The following PDGFD variants were observed in gnomAD, a reference collection of about 807,000 sequenced individuals.
PDGFD encodes the protein platelet derived growth factor D.
A neutral mutation model predicts 44.7 loss-of-function variants in PDGFD; 30 were observed. That is an observed-to-expected ratio of 0.67 (90% CI 0.50 to 0.91). The LOEUF is 0.91. Among genes scored for constraint, PDGFD ranks in the 40% least tolerant of loss-of-function variants. The pLI, the probability that PDGFD is intolerant of heterozygous loss-of-function variation, is 0.00. For missense variants in PDGFD, 445 were observed against 457.8 expected, an observed-to-expected ratio of 0.97 and a Z score of 0.25; for synonymous variants, 173 against 168.4, an observed-to-expected ratio of 1.03 and a Z score of -0.21.
intron 1 of PDGFD, among the ~76,000 whole-genome samples, chr11:104,010,343 T>A (rs1012391096): frequency 5.9e-5 from 9 of 151,942 alleles, no homozygotes; most frequent in African/African-American, 2.2e-4. Context: ...AGAATCTGAG[T>A]CCACCAAAAA....
chr11:103,960,517 T>C (rs1858919313), intron 3 of PDGFD, among the ~76,000 whole-genome samples: 1 of 152,204 alleles, frequency 6.6e-6, no homozygotes, highest in Non-Finnish European at 1.5e-5. Flanking sequence ...CCAAAGTATG[T>C]AAGTCATTGA....
intron 1 of PDGFD, among the ~76,000 whole-genome samples, chr11:104,156,001 G>C (rs1016805029): frequency 6.6e-6 from 1 of 152,136 alleles, no homozygotes; most frequent in Non-Finnish European, 1.5e-5. Flanking sequence ...AGGGACTGCA[G>C]TTAATAACAA....
rs142075568 is a variant in PDGFD, at chr11:104,105,481, G to C, written c.124+58323C>G. On this transcript the variant is annotated intron_variant, in intron 1 of 6. Coordinates refer to ENST00000393158, the MANE Select transcript of PDGFD (RefSeq NM_025208.5). Reference sequence around the variant, plus strand: ...AAATAAACCATGTTTACATGGGTAAGAAAAAGCATTTGGTCAGTTATTTAT... The same window carrying C: ...AAATAAACCATGTTTACATGGGTAACAAAAAGCATTTGGTCAGTTATTTAT... Among the ~76,000 whole-genome samples the C allele has an allele frequency of 2.0e-5, 3 of 152,198 alleles. No individual in the cohort carries two copies. The East Asian group carries it at 5.8e-4, about 29-fold the overall frequency.
chr11:104,086,503 A>G (rs1170414083), intron 1 of PDGFD, among the ~76,000 whole-genome samples: 1 of 152,216 alleles, frequency 6.6e-6, no homozygotes, highest in East Asian at 1.9e-4. Flanking sequence ...TAGCCTAAAA[A>G]CAGATTAGCA....
chr11:104,074,932 G>C (rs61892464), intron 1 of PDGFD, among the ~76,000 whole-genome samples: 4,229 of 152,210 alleles, frequency 0.028, 88 homozygotes, highest in Non-Finnish European at 0.048. Context: ...TATTTAATTA[G>C]ATAAATAACT....
intron 1 of PDGFD, among the ~76,000 whole-genome samples, chr11:104,102,126 A>C (rs1396073245): frequency 6.6e-6 from 1 of 152,152 alleles, no homozygotes; most frequent in African/African-American, 2.4e-5. Context: ...AAACTACCAT[A>C]AGAGAGAACA....
intron 6 of PDGFD, among the ~76,000 whole-genome samples, chr11:103,921,031 G>T (rs1015120235): frequency 6.6e-6 from 1 of 152,152 alleles, no homozygotes; most frequent in Non-Finnish European, 1.5e-5. Context: ...GAGGCCCTGG[G>T]AAGTTTTAAG....
At position 104,081,945 on chromosome 11, in the gene PDGFD, T is replaced by C. The variant is rs868690223; in HGVS notation, c.125-81690A>G. 8.6e-4 allele frequency among the ~76,000 whole-genome samples: 131 copies of C among 151,956 alleles called. 1 individual carries two copies. The highest frequency in any genetic ancestry group is 2.9e-3 in the African/African-American group (119 of 41,432). On this transcript the variant is annotated intron_variant, in intron 1 of 6. Coordinates refer to ENST00000393158, the MANE Select transcript of PDGFD (RefSeq NM_025208.5). ...GTATTTTTAATCATCCCATAGAAAA[T>C]ACTGAGAGAATTCTGGCTAAATTAT... is the stretch of plus-strand genomic sequence containing the variant.
chr11:103,995,801 A>G (rs1859526133), intron 3 of PDGFD, among the ~76,000 whole-genome samples: 1 of 152,232 alleles, frequency 6.6e-6, no homozygotes, highest in African/African-American at 2.4e-5. Context: ...GCAATTTAGT[A>G]TCAGCTTTAC....
chr11:104,027,525 A>G (rs1410488655), intron 1 of PDGFD, among the ~76,000 whole-genome samples: 3 of 152,252 alleles, frequency 2.0e-5, no homozygotes, highest in Non-Finnish European at 4.4e-5. Context: ...CCCATTTTAC[A>G]TAAGAGGATA....
chr11:103,911,802 A>G (rs1858032501), intron 6 of PDGFD, among the ~76,000 whole-genome samples: 1 of 152,030 alleles, frequency 6.6e-6, no homozygotes, highest in South Asian at 2.1e-4. Context: ...GATGGAGCTG[A>G]AAAACGCAAG....
In PDGFD at chr11:103,976,215, C is replaced by T. The variant is rs769000280; in HGVS notation, c.510+19850G>A. Among the ~76,000 whole-genome samples the T allele has an allele frequency of 4.6e-5, 7 of 152,094 alleles. No individual in the cohort carries two copies. The South Asian group carries it at 1.0e-3, about 23-fold the overall frequency. On this transcript the variant is annotated intron_variant, in intron 3 of 6. Coordinates refer to ENST00000393158, the MANE Select transcript of PDGFD (RefSeq NM_025208.5). ...TGTCCTGGAAGAGGTCCTTCACATC[C>T]GTTGTAAGTTGCTATTGTCAATAGT...
intron 1 of PDGFD, among the ~76,000 whole-genome samples, chr11:104,135,462 AT>A (rs543083253): frequency 7.1e-4 from 108 of 152,322 alleles, no homozygotes; most frequent in African/African-American, 2.6e-3. Flanking sequence ...AGAACATGCT[AT>A]TTTCCATAAA....
intron 1 of PDGFD, among the ~76,000 whole-genome samples, chr11:104,094,791 T>G (rs528301552): frequency 6.6e-6 from 1 of 152,288 alleles, no homozygotes; most frequent in Non-Finnish European, 1.5e-5. Flanking sequence ...TTTTTCTTCC[T>G]CCAACCCACA....
chr11:104,129,111 C>G (rs1025982659), intron 1 of PDGFD, among the ~76,000 whole-genome samples: 25 of 152,032 alleles, frequency 1.6e-4, no homozygotes, highest in Admixed American at 1.3e-4. Context: ...ATATAAGAGA[C>G]ACAGCAAATT....
intron 1 of PDGFD, among the ~76,000 whole-genome samples, chr11:104,129,218 CTT>C (rs111924546): frequency 0.093 from 13,710 of 147,274 alleles, 706 homozygotes; most frequent in East Asian, 0.24. Context: ...CTGTCATCAT[CTT>C]TTTTTTTTTT....
chr11:104,085,649 A>T (rs1861118840), intron 1 of PDGFD, among the ~76,000 whole-genome samples: 1 of 152,186 alleles, frequency 6.6e-6, no homozygotes, highest in African/African-American at 2.4e-5. Context: ...TAATTTTATG[A>T]AAAATACTGA....
At chr11:103,974,676 T>C (rs958236934) in intron 3 of PDGFD, among the ~76,000 whole-genome samples, 4 of 152,070 alleles carry the variant, frequency 2.6e-5, no homozygotes, top group Non-Finnish European at 5.9e-5. Context: ...CCTCTCCCTA[T>C]GTCCATGTGT....
chr11:103,981,316 C>T (rs911307724), intron 3 of PDGFD, among the ~76,000 whole-genome samples: 1 of 151,546 alleles, frequency 6.6e-6, no homozygotes, highest in South Asian at 2.1e-4. Flanking sequence ...CCATATACTG[C>T]CCCTAGACCT....
Sources: gnomAD v4.1 joint callset for allele counts (sites outside exome capture counted in the v4.1 genomes callset) on GRCh38, gnomAD v4.1.1 for gene constraint, MANE v1.5 for transcripts, NCBI Gene and HGNC (gene_info 2026-07-23, HGNC 2026-07-21) for gene names.